Variants in BIRC6 observed in about 807,000 individuals in gnomAD.
The protein encoded by BIRC6 is dual E2 ubiquitin-conjugating enzyme/E3 ubiquitin-protein ligase BIRC6.
Under a neutral mutation model 503.3 loss-of-function variants are expected in BIRC6, and 98 were observed. The observed-to-expected ratio is 0.19, with a 90% confidence interval of 0.17 to 0.23. BIRC6 has a LOEUF of 0.23. Among genes scored for constraint, BIRC6 ranks in the 10% least tolerant of loss-of-function variants. The probability of loss-of-function intolerance (pLI) is 1.00; values close to 1 mark genes in which losing one functional copy is unlikely to be tolerated. For missense variants in BIRC6, 5,360 were observed against 5,806.0 expected, an observed-to-expected ratio of 0.92 and a Z score of 2.50; for synonymous variants, 2,240 against 2,078.7, an observed-to-expected ratio of 1.08 and a Z score of -2.11.
Position 32,488,702 on chromosome 2 carries a change from T to G in BIRC6, c.8083T>G (p.Ser2695Ala). The G allele has an allele frequency of 7.1e-7, 1 of 1,413,566 alleles. No homozygotes were observed. The highest frequency in any genetic ancestry group is 9.6e-7 in the Non-Finnish European group (1 of 1,043,100). 87.6% of individuals were successfully genotyped at this position (1,413,566 alleles called of 1,614,324 possible). ...LYNANRIPVISLNQASITSFL... is the reference protein window; with the variant it reads ...LYNANRIPVIALNQASITSFL... ...TAATGCTAATAGGATACCTGTTATT[T>G]CATTAAATCAAGGTAAGATTTATTA... Residue 2695 changes from serine to alanine, a missense_variant, in exon 42 of 74, where the codon TCA becomes GCA. Ser to Ala is a moderately conservative substitution (Grantham distance 99, BLOSUM62 1). Around this residue, in one of 16 missense-constraint regions of BIRC6, gnomAD observed 2,299 missense variants for 2,267.2 expected, o/e 1.01. Coordinates refer to ENST00000421745, the MANE Select transcript of BIRC6 (RefSeq NM_016252.4).
At chr2:32,477,647 C>A (rs764316188) in intron 35 of BIRC6, 64 bp downstream of exon 35, 1 of 1,328,852 alleles carries the variant, frequency 7.5e-7, no homozygotes, top group Non-Finnish European at 1.0e-6. Flanking sequence ...GCCTGTAATC[C>A]CAGCACTTTG....
chr2:32,539,327 C>T (rs541743268), intron 61 of BIRC6, among the ~76,000 whole-genome samples: 75 of 152,266 alleles, frequency 4.9e-4, no homozygotes, highest in Non-Finnish European at 9.4e-4. Flanking sequence ...TTGGGGGAAA[C>T]GCCCAAAACT....
At chr2:32,365,725 A>G (rs1288033448) in intron 1 of BIRC6, among the ~76,000 whole-genome samples, 1 of 152,118 alleles carries the variant, frequency 6.6e-6, no homozygotes, top group African/African-American at 2.4e-5. Flanking sequence ...CATGATTCCC[A>G]TATTTTAAAG....
At chr2:32,537,982 C>G (rs1021499651) in intron 61 of BIRC6, among the ~76,000 whole-genome samples, 25 of 149,132 alleles carry the variant, frequency 1.7e-4, no homozygotes, top group African/African-American at 5.9e-4. Flanking sequence ...AAAAAGCAAA[C>G]AAAAAAAACA....
In BIRC6 at chr2:32,435,574, A is replaced by T; in HGVS notation, c.3488A>T (p.Glu1163Val). The change falls in exon 14 of 74, where the codon GAG becomes GTG. Residue 1163 changes from glutamate to valine, a missense_variant. Around this residue, in one of 16 missense-constraint regions of BIRC6, gnomAD observed 2,299 missense variants for 2,267.2 expected, o/e 1.01. Coordinates refer to ENST00000421745, the MANE Select transcript of BIRC6 (RefSeq NM_016252.4). ...LNEEMQHMDV[E>V]ESQCLRLCPF... is the part of the protein sequence containing the mutation. Reference sequence around the variant, plus strand: ...GAAGAAATGCAGCACATGGATGTAGAGGAATCACAGTGTGAGTTAAATTAT... The same window carrying T: ...GAAGAAATGCAGCACATGGATGTAGTGGAATCACAGTGTGAGTTAAATTAT... 6.4e-7 allele frequency: 1 copy of T among 1,553,132 alleles called. No homozygotes were observed. The highest frequency in any genetic ancestry group is 8.7e-7 in the Non-Finnish European group (1 of 1,147,590).
At chr2:32,513,428 A>G (rs1237220654) in intron 54 of BIRC6, among the ~76,000 whole-genome samples, 1 of 152,172 alleles carries the variant, frequency 6.6e-6, no homozygotes. Context: ...TCTCAGTTGC[A>G]AATTTTCCCA....
intron 73 of BIRC6, among the ~76,000 whole-genome samples, chr2:32,612,965 A>C (rs1249645692): frequency 6.6e-6 from 1 of 152,072 alleles, no homozygotes; most frequent in African/African-American, 2.4e-5. Context: ...TTGTCTCACT[A>C]ATCAACCTTA....
intron 72 of BIRC6, among the ~76,000 whole-genome samples, chr2:32,608,372 T>C (rs1179606575): frequency 1.3e-5 from 2 of 152,120 alleles, no homozygotes; most frequent in Non-Finnish European, 2.9e-5. Context: ...TTGAGAAGTT[T>C]TTTTCCTTTC....
chr2:32,607,663 T>C lies in BIRC6; in HGVS notation c.14259+20T>C. On this transcript the variant is annotated intron_variant, in intron 72 of 73. Coordinates refer to ENST00000421745, the MANE Select transcript of BIRC6 (RefSeq NM_016252.4). Reference sequence around the variant, plus strand: ...AAAGAGGTATGTTCAATAAAATTAGTGAAATACTTTGTTAAAGACATTTTA... The same window carrying C: ...AAAGAGGTATGTTCAATAAAATTAGCGAAATACTTTGTTAAAGACATTTTA... 6.4e-7 allele frequency: 1 copy of C among 1,570,932 alleles called. No homozygotes were observed. Among genetic ancestry groups the C allele is most frequent in the Non-Finnish European group, 8.7e-7 (1 of 1,152,382 alleles).
chr2:32,387,847 C>T (rs966352857), intron 3 of BIRC6, among the ~76,000 whole-genome samples: 2 of 152,098 alleles, frequency 1.3e-5, no homozygotes, highest in African/African-American at 4.8e-5. Flanking sequence ...TATATAAGAA[C>T]ATGTGTTACT....
chr2:32,365,862 T>C (rs753357920), intron 1 of BIRC6, among the ~76,000 whole-genome samples: 21 of 152,008 alleles, frequency 1.4e-4, no homozygotes, highest in East Asian at 1.9e-4. Context: ...TTTATTTATT[T>C]TATTTTTTAA....
At chr2:32,363,781 A>G (rs538780537) in intron 1 of BIRC6, among the ~76,000 whole-genome samples, 12 of 152,342 alleles carry the variant, frequency 7.9e-5, no homozygotes, top group East Asian at 7.7e-4. Context: ...TAAGTGGTCA[A>G]ACATGTTAAA....
chr2:32,524,737 C>T (rs2056107421), intron 57 of BIRC6, 151 bp from the exon 58 acceptor site: 4 of 429,982 alleles, frequency 9.3e-6, no homozygotes, highest in Non-Finnish European at 1.2e-5. Context: ...GGGTATCAGG[C>T]CTTTACCTCA....
intron 14 of BIRC6, 62 bp from the exon 15 acceptor site, chr2:32,435,991 T>C: frequency 9.9e-7 from 1 of 1,009,970 alleles, no homozygotes; most frequent in Non-Finnish European, 1.3e-6. Flanking sequence ...TGATATTTGC[T>C]TATTAAATAT....
In BIRC6 at chr2:32,535,299, CTTTAT is replaced by C. The variant is rs542613108; in HGVS notation, c.12291+3762_12291+3766del. On this transcript the variant is annotated intron_variant, in intron 61 of 73. Transcript: ENST00000421745. ...AACCATATGAGCCAGGGAATTACAA[CTTTAT>C]TTTATTTTATTTTTTAAATTATACT... Among the ~76,000 whole-genome samples, 1,377 of 151,778 alleles carry C rather than the reference CTTTAT, an allele frequency of 9.1e-3. 10 individuals carry two copies. Among genetic ancestry groups the C allele is most frequent in the Middle Eastern group, 0.02 (6 of 294 alleles).
chr2:32,378,680 C>G (rs528204235), intron 2 of BIRC6, among the ~76,000 whole-genome samples: 42 of 152,232 alleles, frequency 2.8e-4, no homozygotes, highest in African/African-American at 9.9e-4. Context: ...TGGTCTTGAG[C>G]TCCTGACTTC....
chr2:32,521,172 TTACTTG>T (rs948441428), intron 57 of BIRC6, among the ~76,000 whole-genome samples: 4 of 152,034 alleles, frequency 2.6e-5, no homozygotes, highest in Admixed American at 2.6e-4. Flanking sequence ...TCTGATATAT[TTACTTG>T]TACGTTTATA....
At chr2:32,438,502 G>A (rs1344778577) in intron 15 of BIRC6, among the ~76,000 whole-genome samples, 1 of 151,060 alleles carries the variant, frequency 6.6e-6, no homozygotes, top group East Asian at 1.9e-4. Context: ...AGATTGTATA[G>A]TATGATCCCA....
At chr2:32,489,980 C>T in intron 42 of BIRC6, 61 bp from the exon 43 acceptor site, 1 of 1,149,558 alleles carries the variant, frequency 8.7e-7, no homozygotes, top group Non-Finnish European at 1.3e-6. Flanking sequence ...ATTCTTTTGA[C>T]TTAGTTCTTC....
Sources: allele counts gnomAD v4.1 joint callset (sites outside exome capture counted in the v4.1 genomes callset), GRCh38; gene constraint gnomAD v4.1.1; regional missense constraint gnomAD v4.1.1; transcripts MANE v1.5; gene names NCBI Gene and HGNC (gene_info 2026-07-23, HGNC 2026-07-21).